The following CERT1 variants were observed in gnomAD, a reference collection of about 807,000 sequenced individuals.
CERT1 encodes ceramide transfer protein.
A neutral mutation model predicts 87.9 loss-of-function variants in CERT1; 31 were observed. The ratio of observed to expected loss-of-function variants is 0.35; its 90% CI spans 0.27 to 0.48. CERT1 has a LOEUF of 0.48. Ranked by LOEUF, CERT1 falls within the 20% of genes least tolerant of loss-of-function variation. The pLI is 0.99. For synonymous variants in CERT1, 289 were observed against 250.9 expected (o/e 1.15, Z -1.44); for missense variants, 487 against 758.0 (o/e 0.64, Z 4.20).
intron 3 of CERT1, among the ~76,000 whole-genome samples, chr5:75,441,452 T>C (rs2112245604): frequency 6.6e-6 from 1 of 152,340 alleles, no homozygotes; most frequent in Non-Finnish European, 1.5e-5. Context: ...ACAGTGAAAC[T>C]ATCTTAACCA....
At chr5:75,430,448 G>A (rs1185492038) in intron 3 of CERT1, among the ~76,000 whole-genome samples, 1 of 152,140 alleles carries the variant, frequency 6.6e-6, no homozygotes, top group Non-Finnish European at 1.5e-5. Flanking sequence ...TTCATGGTAT[G>A]CAAATTATGC....
Position 75,425,446 on chromosome 5 carries a change from G to A in CERT1, c.510C>T (p.Ile170=). 1.9e-6 allele frequency: 3 copies of A among 1,614,016 alleles called. No individual in the cohort carries two copies. Among genetic ancestry groups the A allele is most frequent in the Non-Finnish European group, 2.5e-6 (3 of 1,179,886 alleles). ...KLAEMETFRD[I]LCRQVDTLQK... is the part of the protein sequence containing the mutation. ...GTAGCGTGTCAACTTGTCTACATAA[G>A]ATGTCTCTAAATGTTTCCATTTCAG... The change falls in exon 5 of 17, where the codon ATC becomes ATT. Residue 170 remains isoleucine, a synonymous_variant. Coordinates refer to ENST00000643780, the MANE Select transcript of CERT1 (RefSeq NM_001379029.1).
intron 2 of CERT1, among the ~76,000 whole-genome samples, chr5:75,479,412 C>T (rs1367853531): frequency 2.6e-5 from 4 of 151,948 alleles, no homozygotes; most frequent in Non-Finnish European, 4.4e-5. Context: ...AAACCCAGTA[C>T]CCAATAGTTA....
At chr5:75,453,694 T>C (rs1764850317) in intron 3 of CERT1, among the ~76,000 whole-genome samples, 1 of 152,158 alleles carries the variant, frequency 6.6e-6, no homozygotes, top group African/African-American at 2.4e-5. Context: ...AGATAATATA[T>C]ATAAATTGTT....
At chr5:75,416,029 T>C (rs1271247631) in intron 7 of CERT1, among the ~76,000 whole-genome samples, 1 of 152,206 alleles carries the variant, frequency 6.6e-6, no homozygotes, top group African/African-American at 2.4e-5. Context: ...AGTGCTATCA[T>C]TGCTTTCCTT....
At chr5:75,441,388 C>T (rs1367959561) in intron 3 of CERT1, among the ~76,000 whole-genome samples, 2 of 152,150 alleles carry the variant, frequency 1.3e-5, no homozygotes, top group East Asian at 3.8e-4. Context: ...CAGAATGCAT[C>T]TCTATTGTTA....
chr5:75,415,869 TAATA>T (rs1763113598), intron 7 of CERT1, among the ~76,000 whole-genome samples: 1 of 152,162 alleles, frequency 6.6e-6, no homozygotes, highest in Admixed American at 6.5e-5. Context: ...TCCAGAATGA[TAATA>T]AATTTTCTAT....
intron 2 of CERT1, among the ~76,000 whole-genome samples, chr5:75,485,780 A>C (rs1766494390): frequency 6.6e-6 from 1 of 152,168 alleles, no homozygotes; most frequent in Non-Finnish European, 1.5e-5. Flanking sequence ...ACATTCCTAG[A>C]CAGATACAAC....
At chr5:75,417,709 T>C (rs572768947) in intron 6 of CERT1, among the ~76,000 whole-genome samples, 8 of 152,268 alleles carry the variant, frequency 5.3e-5, no homozygotes, top group South Asian at 2.1e-4. Context: ...AAAGAACAAA[T>C]TGTGAAACTT....
At chr5:75,506,253 T>G (rs943571755) in intron 1 of CERT1, 137 bp from the exon 2 acceptor site, 15 of 636,794 alleles carry the variant, frequency 2.4e-5, no homozygotes, top group Non-Finnish European at 3.0e-5. Context: ...GCATAAACAG[T>G]AAAATGATTA....
rs141659558 is a variant in CERT1, at chr5:75,432,391, T to C, written c.349-5913A>G. On this transcript the variant is annotated intron_variant, in intron 3 of 16. Transcript: ENST00000643780. ...TTCTCTGCAACCTCACCAACATCTGTTATTTTCTGAATTTGTTGTAACAGA... is the reference window on the plus strand; with the variant it reads ...TTCTCTGCAACCTCACCAACATCTGCTATTTTCTGAATTTGTTGTAACAGA... 2.1e-3 allele frequency among the ~76,000 whole-genome samples: 315 copies of C among 152,304 alleles called. 1 individual carries two copies. In the East Asian group the frequency reaches 0.027, roughly 13 times the overall value.
rs1288719868 is a variant in CERT1, at chr5:75,372,651, C to T, written c.*10-3993G>A. 2.6e-5 allele frequency: 4 copies of T among 152,292 alleles called. No homozygotes were observed. In the East Asian group the frequency reaches 5.8e-4, roughly 22 times the overall value. The allele number at this position is 152,292 out of a possible 1,614,324, so 9.4% of individuals were successfully genotyped here. The stretch of plus-strand genomic sequence containing the variant: ...GCATATGTTTTATATGTATTTTTCT[C>T]TCTGTACAGAATAATAAATATCACT... On this transcript the variant is annotated intron_variant, in intron 17 of 17. Transcript: ENST00000261415.
intron 6 of CERT1, 64 bp downstream of exon 6, chr5:75,419,277 T>C: frequency 1.9e-6 from 2 of 1,046,516 alleles, no homozygotes; most frequent in African/African-American, 3.2e-5. Flanking sequence ...TTATTTCTTG[T>C]GAGTTGTTAC....
chr5:75,440,564 AGAAC>A (rs1317407292), intron 3 of CERT1, among the ~76,000 whole-genome samples: 14 of 152,140 alleles, frequency 9.2e-5, no homozygotes, highest in Non-Finnish European at 1.5e-5. Flanking sequence ...CTACTAAACT[AGAAC>A]ATGCGATAAA....
At chr5:75,493,861 C>A (rs902635622) in intron 2 of CERT1, among the ~76,000 whole-genome samples, 1 of 152,116 alleles carries the variant, frequency 6.6e-6, no homozygotes, top group African/African-American at 2.4e-5. Context: ...AAACAAAAAT[C>A]TTTTTCTTTA....
intron 6 of CERT1, among the ~76,000 whole-genome samples, chr5:75,417,314 C>CT (rs1410111701): frequency 6.6e-6 from 1 of 152,000 alleles, no homozygotes; most frequent in Non-Finnish European, 1.5e-5. Flanking sequence ...AGGAGCAATA[C>CT]TTTAACAATA....
chr5:75,494,521 C>T lies in CERT1; in HGVS notation c.231+11461G>A, dbSNP rs1026008229. On this transcript the variant is annotated intron_variant, in intron 2 of 16. Transcript: ENST00000643780. ...TCTACCCTCCAAGACCAGACACCCA[C>T]GATTTTTTTCTCTATAGAGGTCCAG... Among the ~76,000 whole-genome samples, 3 of 152,202 alleles carry T rather than the reference C, an allele frequency of 2.0e-5. No homozygotes were observed. The South Asian group carries it at 6.2e-4, about 32-fold the overall frequency.
intron 2 of CERT1, among the ~76,000 whole-genome samples, chr5:75,482,006 A>G (rs569290120): frequency 6.6e-6 from 1 of 152,318 alleles, no homozygotes; most frequent in East Asian, 1.9e-4. Context: ...ACCTTACCAG[A>G]ACTTATTTGA....
chr5:75,400,274 T>C lies in CERT1; in HGVS notation c.1041A>G (p.Leu347=), dbSNP rs747392475. Reference sequence around the variant, plus strand: ...CAGAGGGCAAGGATGTAGGCCAATGTAATCTCACCTTTTCACTCTGTGACT... The same window carrying C: ...CAGAGGGCAAGGATGTAGGCCAATGCAATCTCACCTTTTCACTCTGTGACT... ...EEQSQSEKVR[L]HWPTSLPSGD... is the part of the protein sequence containing the mutation. Residue 347 remains leucine (L), a synonymous_variant, in exon 10 of 17, where the codon TTA becomes TTG. Coordinates refer to ENST00000643780, the MANE Select transcript of CERT1 (RefSeq NM_001379029.1). 28 of 1,613,192 alleles carry C rather than the reference T, an allele frequency of 1.7e-5. No individual in the cohort carries two copies. Among genetic ancestry groups the C allele is most frequent in the African/African-American group, 2.7e-5 (2 of 74,916 alleles).
Sources: allele counts gnomAD v4.1 joint callset (sites outside exome capture counted in the v4.1 genomes callset), GRCh38; gene constraint gnomAD v4.1.1; transcripts MANE v1.5; gene names NCBI Gene and HGNC (gene_info 2026-07-23, HGNC 2026-07-21).